The following ADIPOR2 variants were observed in gnomAD, a reference collection of about 807,000 sequenced individuals.
ADIPOR2 encodes the protein adiponectin receptor 2, also known as adiponectin receptor protein 2.
ADIPOR2 carries 18 observed loss-of-function variants against 40.9 expected under a neutral mutation model. The ratio of observed to expected loss-of-function variants is 0.44; its 90% CI spans 0.30 to 0.65. The LOEUF is 0.65. Ranked by LOEUF, ADIPOR2 falls within the 30% of genes least tolerant of loss-of-function variation. The probability of loss-of-function intolerance (pLI) is 0.09; values close to 1 mark genes in which losing one functional copy is unlikely to be tolerated. For synonymous variants in ADIPOR2, 165 were observed against 166.4 expected, an observed-to-expected ratio of 0.99 and a Z score of 0.06; for missense variants, 283 against 479.2, an observed-to-expected ratio of 0.59 and a Z score of 3.82.
intron 1 of ADIPOR2, chr12:1,697,185 T>C (rs1345410845): frequency 6.6e-6 from 1 of 152,206 alleles, no homozygotes; most frequent in Admixed American, 6.5e-5. Flanking sequence ...TTCAGGAGTG[T>C]TTTGGTAAAA....
rs773017473 is a variant in ADIPOR2 at position 1,772,980 on chromosome 12, G to T, written c.291+19G>T. ...TTGTAAGGTAAGAGTGCAGTTTCTT[G>T]TCATTGTCATGCTATATATTTAGCC... On this transcript the variant is annotated intron_variant, in intron 3 of 7. Transcript: ENST00000357103. 1 of 1,611,722 alleles carries T rather than the reference G, an allele frequency of 6.2e-7. No homozygotes were observed. Among genetic ancestry groups the T allele is most frequent in the African/African-American group, 1.3e-5 (1 of 74,792 alleles).
chr12:1,708,664 A>G (rs1238279275), intron 1 of ADIPOR2, among the ~76,000 whole-genome samples: 2 of 152,102 alleles, frequency 1.3e-5, no homozygotes, highest in Non-Finnish European at 2.9e-5. Flanking sequence ...CTTTGTTGAA[A>G]ATCAGTTGTC....
At chr12:1,692,600 C>T (rs1374811836) in intron 1 of ADIPOR2, among the ~76,000 whole-genome samples, 2 of 152,060 alleles carry the variant, frequency 1.3e-5, no homozygotes, top group Non-Finnish European at 2.9e-5. Flanking sequence ...TTTCACTTGA[C>T]ACTAGGAATG....
chr12:1,701,325 G>A (rs903242201), intron 1 of ADIPOR2, among the ~76,000 whole-genome samples: 4 of 151,892 alleles, frequency 2.6e-5, no homozygotes, highest in African/African-American at 4.8e-5. Context: ...ATTGGGTTTC[G>A]CCTGTTGCCC....
rs1201539986 is a variant in ADIPOR2, at chr12:1,701,175, G to GC, written c.-87+9985dup. ...AACAGGGTCTCACTCTGTCACCCAGGCTAGAGTACAGGGGTATGATCATGG... is the reference window on the plus strand; with the variant it reads ...AACAGGGTCTCACTCTGTCACCCAGGCCTAGAGTACAGGGGTATGATCATGG... On this transcript the variant is annotated intron_variant, in intron 1 of 7. Transcript: ENST00000357103. 1.1e-4 allele frequency among the ~76,000 whole-genome samples: 16 copies of GC among 145,976 alleles called. No homozygotes were observed. The East Asian group carries it at 3.2e-3, about 29-fold the overall frequency.
Position 1,784,028 on chromosome 12 carries a change from T to C in ADIPOR2, c.987T>C (p.Ala329=). 1 of 1,606,072 alleles carries C rather than the reference T, an allele frequency of 6.2e-7. No individual in the cohort carries two copies. Among genetic ancestry groups the C allele is most frequent in the Non-Finnish European group, 8.5e-7 (1 of 1,176,170 alleles). ...SLYITGAALY[A]ARIPERFFPG... is the part of the protein sequence containing the mutation. ...ACATCACAGGAGCTGCCCTGTATGC[T>C]GCCCGGATCCCCGAACGCTTTTTCC... Residue 329 remains alanine (A), a synonymous_variant, in exon 7 of 8, where the codon GCT becomes GCC. Coordinates refer to ENST00000357103, the MANE Select transcript of ADIPOR2 (RefSeq NM_024551.3).
Position 1,768,278 on chromosome 12 carries a change from C to T in ADIPOR2, c.172-4564C>T, listed in dbSNP as rs1592624461. Among the ~76,000 whole-genome samples the T allele has an allele frequency of 2.0e-5, 3 of 152,162 alleles. No individual in the cohort carries two copies. In the East Asian group the frequency reaches 5.8e-4, roughly 29 times the overall value. On this transcript the variant is annotated intron_variant, in intron 2 of 7. Transcript: ENST00000357103. ...TAAATACCTCATTTATGTTTTGCTACTTTCCTAAATGCCCCCGAAGCTCTA... is the reference window on the plus strand; with the variant it reads ...TAAATACCTCATTTATGTTTTGCTATTTTCCTAAATGCCCCCGAAGCTCTA...
rs138028846 is a variant in ADIPOR2, at chr12:1,755,508, G to A, written c.171+994G>A. Among the ~76,000 whole-genome samples the A allele has an allele frequency of 4.3e-4, 65 of 152,300 alleles. No individual in the cohort carries two copies. In the South Asian group the frequency reaches 7.9e-3, roughly 18 times the overall value. On this transcript the variant is annotated intron_variant, in intron 2 of 7. Coordinates refer to ENST00000357103, the MANE Select transcript of ADIPOR2 (RefSeq NM_024551.3). The stretch of plus-strand genomic sequence containing the variant: ...TTATCTGTTATTTTTGGAGAAATTC[G>A]AATTGCGTGTTAGAGCTACTTTTCC...
In ADIPOR2 at chr12:1,701,073, T is replaced by A. The variant is rs546736986; in HGVS notation, c.-87+9882T>A. Among the ~76,000 whole-genome samples, 9 of 152,096 alleles carry A rather than the reference T, an allele frequency of 5.9e-5. No homozygotes were observed. The South Asian group carries it at 1.9e-3, about 32-fold the overall frequency. The stretch of plus-strand genomic sequence containing the variant: ...TGTACAGTTGAAGCAACTTCTTGGA[T>A]TACAGTTTACTTTCTTCCCAGAAGT... On this transcript the variant is annotated intron_variant, in intron 1 of 7. Coordinates refer to ENST00000357103, the MANE Select transcript of ADIPOR2 (RefSeq NM_024551.3).
intron 2 of ADIPOR2, among the ~76,000 whole-genome samples, chr12:1,769,977 G>T (rs1038973920): frequency 6.6e-6 from 1 of 151,512 alleles, no homozygotes; most frequent in Non-Finnish European, 1.5e-5. Context: ...GAATGCAATG[G>T]CAAGATCACA....
intron 7 of ADIPOR2, 152 bp downstream of exon 7, chr12:1,784,225 T>TACA: frequency 1.1e-6 from 1 of 870,018 alleles, no homozygotes; most frequent in Non-Finnish European, 1.7e-6. Context: ...GGACAATAAG[T>TACA]ACAATAATAA....
intron 2 of ADIPOR2, among the ~76,000 whole-genome samples, chr12:1,771,146 T>C (rs112312040): frequency 3.4e-4 from 51 of 151,492 alleles, no homozygotes; most frequent in African/African-American, 1.1e-3. Context: ...AACACAGACC[T>C]CGTCTCTACA....
chr12:1,749,379 G>A (rs1365617473), intron 1 of ADIPOR2, among the ~76,000 whole-genome samples: 2 of 152,228 alleles, frequency 1.3e-5, no homozygotes, highest in African/African-American at 4.8e-5. Flanking sequence ...AGTGTGGAAA[G>A]CAGGCAGGAG....
chr12:1,780,419 A>G lies in ADIPOR2; in HGVS notation c.464-32A>G, dbSNP rs768908704. The G allele has an allele frequency of 4.5e-6, 7 of 1,553,562 alleles. No homozygotes were observed. The African/African-American group carries it at 8.4e-5, about 19-fold the overall frequency. ...AATACTGTCTCTTCTAAAGGGTGAT[A>G]TTTTATCTATTTTCTGTGCTCTTTT... On this transcript the variant is annotated intron_variant, in intron 4 of 7. Coordinates refer to ENST00000357103, the MANE Select transcript of ADIPOR2 (RefSeq NM_024551.3).
chr12:1,700,827 T>G (rs972073893), intron 1 of ADIPOR2, among the ~76,000 whole-genome samples: 2 of 150,726 alleles, frequency 1.3e-5, no homozygotes, highest in Non-Finnish European at 2.9e-5. Flanking sequence ...GGGCTAAGCA[T>G]TAAGATTTCA....
At chr12:1,744,879 A>G (rs906589676) in intron 1 of ADIPOR2, among the ~76,000 whole-genome samples, 1 of 152,246 alleles carries the variant, frequency 6.6e-6, no homozygotes, top group African/African-American at 2.4e-5. Flanking sequence ...TTTGTAAGCA[A>G]TAATGCTAGC....
At chr12:1,695,855 C>CT (rs2094637703) in intron 1 of ADIPOR2, 1 of 150,482 alleles carries the variant, frequency 6.6e-6, no homozygotes, top group Non-Finnish European at 1.5e-5. Context: ...TTTTATTTTT[C>CT]TATTTTTTTT....
At chr12:1,726,556 G>A (rs1002835936) in intron 1 of ADIPOR2, among the ~76,000 whole-genome samples, 26 of 152,124 alleles carry the variant, frequency 1.7e-4, no homozygotes, top group African/African-American at 5.8e-4. Context: ...CTGGTGTGAC[G>A]GTATTTGAGA....
intron 7 of ADIPOR2, among the ~76,000 whole-genome samples, chr12:1,784,774 C>T (rs926397988): frequency 2.6e-5 from 4 of 152,118 alleles, no homozygotes; most frequent in African/African-American, 4.8e-5. Context: ...AAACTTATAA[C>T]CAAAGAGGGC....
Sources: gnomAD v4.1 joint callset for allele counts (sites outside exome capture counted in the v4.1 genomes callset) on GRCh38, gnomAD v4.1.1 for gene constraint, MANE v1.5 for transcripts, NCBI Gene and HGNC (gene_info 2026-07-23, HGNC 2026-07-21) for gene names.